UNKL: variants seen among roughly 807,000 people sequenced by gnomAD.
UNKL encodes the protein unk like zinc finger, also known as putative E3 ubiquitin-protein ligase UNKL.
A neutral mutation model predicts 78.0 loss-of-function variants in UNKL; 60 were observed. The observed-to-expected ratio is 0.77, with a 90% CI of 0.63 to 0.95. The LOEUF (loss-of-function observed/expected upper bound fraction) is 0.95. Ranked by LOEUF, UNKL falls within the 40% of genes least tolerant of loss-of-function variation. The pLI, the probability that UNKL is intolerant of heterozygous loss-of-function variation, is 0.00. For synonymous variants in UNKL, 608 were observed against 474.8 expected, an observed-to-expected ratio of 1.28 and a Z score of -3.65; for missense variants, 1,159 against 1,045.7, an observed-to-expected ratio of 1.11 and a Z score of -1.49.
rs74972671 is a variant in UNKL, at chr16:1,368,875, A to G, written c.1586-1017T>C. ...AAGATTGCTGGAGCCTGGACGACAGAGTGAAACTTTGTTTTAAAAAAATAA... is the reference window on the plus strand; with the variant it reads ...AAGATTGCTGGAGCCTGGACGACAGGGTGAAACTTTGTTTTAAAAAAATAA... On this transcript the variant is annotated intron_variant, in intron 12 of 14. Transcript: ENST00000389221. 3.9e-5 allele frequency among the ~76,000 whole-genome samples: 6 copies of G among 152,102 alleles called. No individual in the cohort carries two copies. The East Asian group carries it at 1.2e-3, about 29-fold the overall frequency.
In UNKL at chr16:1,363,644, G is replaced by A. The variant is rs569260717; in HGVS notation, c.*2596C>T. The A allele has an allele frequency of 8.9e-5, 17 of 189,968 alleles. No individual in the cohort carries two copies. Among genetic ancestry groups the A allele is most frequent in the African/African-American group, 3.3e-4 (14 of 42,016 alleles). The allele number at this position is 189,968 out of a possible 1,614,324, so 11.8% of individuals were successfully genotyped here. ...GCGCGCCTCCACCTCAGCCTCCACGGGGCACCTTCCAGCCACTGCTGTGCC... is the reference window on the plus strand; with the variant it reads ...GCGCGCCTCCACCTCAGCCTCCACGAGGCACCTTCCAGCCACTGCTGTGCC... On this transcript the variant is annotated 3_prime_UTR_variant, in exon 15 of 15. Coordinates refer to ENST00000389221, the MANE Select transcript of UNKL (RefSeq NM_001372107.1).
intron 13 of UNKL, among the ~76,000 whole-genome samples, 143 bp downstream of exon 13, chr16:1,367,503 TCCCTCCCTCC>T (rs1296355455): frequency 1.3e-4 from 1 of 7,464 alleles, no homozygotes; most frequent in African/African-American, 5.0e-4. Flanking sequence ...CCTCCCTCCC[TCCCTCCCTCC>T]CCCTCCCGTC....
rs7192116 is a variant in UNKL, at chr16:1,376,993, C to G, written c.1265-5382G>C. 1.2e-3 allele frequency among the ~76,000 whole-genome samples: 184 copies of G among 151,888 alleles called. 1 individual carries two copies. The highest frequency in any genetic ancestry group is 3.7e-3 in the African/African-American group (153 of 41,382). On this transcript the variant is annotated intron_variant, in intron 10 of 14. Transcript: ENST00000389221. ...CAACGCCACGTACCTAGGTGCGACG[C>G]CTGGGGTTCAGGTGCATCTTCCCCC...
chr16:1,394,045 A>T lies in UNKL; in HGVS notation c.937+86T>A, dbSNP rs1322953172. On this transcript the variant is annotated intron_variant, in intron 7 of 14. Coordinates refer to ENST00000389221, the MANE Select transcript of UNKL (RefSeq NM_001372107.1). ...GCCCGCCTTCCAGGTCCTCGTGGGC[A>T]GCTCCGGGTCATCGGTAACTCCAGT... The T allele has an allele frequency of 2.2e-6, 3 of 1,391,786 alleles. No homozygotes were observed. The African/African-American group carries it at 4.3e-5, about 20-fold the overall frequency. The allele number at this position is 1,391,786 out of a possible 1,614,324, so 86.2% of individuals were successfully genotyped here. A position where few individuals can be genotyped will look rare whatever the true frequency, so the allele number is the denominator to read the frequency against.
chr16:1,400,187 G>A (rs1190985076), intron 4 of UNKL, among the ~76,000 whole-genome samples: 4 of 152,032 alleles, frequency 2.6e-5, no homozygotes, highest in African/African-American at 7.2e-5. Flanking sequence ...TTGGGAGGCC[G>A]AGGTGGGTGG....
At chr16:1,384,566 C>T (rs2142087004) in intron 10 of UNKL, among the ~76,000 whole-genome samples, 1 of 152,224 alleles carries the variant, frequency 6.6e-6, no homozygotes, top group East Asian at 1.9e-4. Flanking sequence ...ATCACTGTCC[C>T]CCACCCTCAG....
chr16:1,390,509 G>A, intron 9 of UNKL, 123 bp downstream of exon 9: 1 of 1,020,896 alleles, frequency 9.8e-7, no homozygotes, highest in Non-Finnish European at 1.4e-6. Flanking sequence ...AGCCGAGAGT[G>A]GGCGGGACCA....
intron 4 of UNKL, among the ~76,000 whole-genome samples, chr16:1,400,414 T>C (rs2037466967): frequency 1.5e-5 from 1 of 66,470 alleles, no homozygotes; most frequent in South Asian, 7.3e-4. Flanking sequence ...CGAGACTCCA[T>C]CTCAAAAAAA....
At chr16:1,376,339 C>A (rs867711684) in intron 10 of UNKL, among the ~76,000 whole-genome samples, 1 of 145,908 alleles carries the variant, frequency 6.9e-6, no homozygotes, top group Non-Finnish European at 1.5e-5. Context: ...CTTCCCTCCT[C>A]CCTCACTCTA....
chr16:1,414,104 G>A lies in UNKL; in HGVS notation c.78-49C>T, dbSNP rs957680155. 4.7e-6 allele frequency: 7 copies of A among 1,495,604 alleles called. No homozygotes were observed. The African/African-American group carries it at 5.6e-5, about 12-fold the overall frequency. 92.6% of individuals were successfully genotyped at this position (1,495,604 alleles called of 1,614,324 possible). On this transcript the variant is annotated intron_variant, in intron 1 of 14. Transcript: ENST00000389221. Reference sequence around the variant, plus strand: ...GCTCGCTTCCGGCAGCACCTCCAGGGACTCGGACTCGTGGGCGGCGGGACC... The same window carrying A: ...GCTCGCTTCCGGCAGCACCTCCAGGAACTCGGACTCGTGGGCGGCGGGACC...
In UNKL at chr16:1,387,342, T is replaced by C. The variant is rs1388916702; in HGVS notation, c.1087-1957A>G. ...TCCAGCAAGCAGCCCAGAAACACTA[T>C]GGGTGATTCGAGACCTGGTGCCATC... On this transcript the variant is annotated intron_variant, in intron 9 of 14. Transcript: ENST00000389221. The surrounding 1 kb of genome is among the most constrained non-coding windows in gnomAD (Gnocchi z 4.1). Among the ~76,000 whole-genome samples, 2 of 152,194 alleles carry C rather than the reference T, an allele frequency of 1.3e-5. No homozygotes were observed. Among genetic ancestry groups the C allele is most frequent in the Non-Finnish European group, 2.9e-5 (2 of 68,022 alleles).
Position 1,399,938 on chromosome 16 carries a change from C to T in UNKL, c.599-429G>A, listed in dbSNP as rs531594197. On this transcript the variant is annotated intron_variant, in intron 4 of 14. Transcript: ENST00000389221. This position sits in a 1 kb window ranked among gnomAD's most constrained non-coding sequence, Gnocchi z 5.8. ...GAAATGCCGCATGGTGAGCCTCATG[C>T]GCACCACAGCCTCTGGGTGACAAGC... 3.3e-5 allele frequency among the ~76,000 whole-genome samples: 3 copies of T among 91,342 alleles called. No homozygotes were observed. Among genetic ancestry groups the T allele is most frequent in the Admixed American group, 1.4e-4 (1 of 7,258 alleles). 59.9% of individuals were successfully genotyped at this position (91,342 alleles called of 152,430 possible). A position where few individuals can be genotyped will look rare whatever the true frequency, so the allele number is the denominator to read the frequency against.
intron 2 of UNKL, among the ~76,000 whole-genome samples, chr16:1,407,830 T>C (rs754659758): frequency 1.3e-5 from 2 of 152,138 alleles, no homozygotes; most frequent in African/African-American, 2.4e-5. Flanking sequence ...AGCGCTCTTC[T>C]GGACAGGGGT....
chr16:1,410,597 C>G (rs1483508185), intron 2 of UNKL, among the ~76,000 whole-genome samples: 1 of 152,134 alleles, frequency 6.6e-6, no homozygotes, highest in East Asian at 1.9e-4. Flanking sequence ...ACATAGAGTG[C>G]TGCCAATCAG....
chr16:1,372,033 G>A lies in UNKL; in HGVS notation c.1265-422C>T, dbSNP rs1182396794. On this transcript the variant is annotated intron_variant, in intron 10 of 14. Transcript: ENST00000389221. Reference sequence around the variant, plus strand: ...GCACTTTGGGAGGCCGAGGTGGGCAGATCACAAGGTCAGGAGATCGAGACC... The same window carrying A: ...GCACTTTGGGAGGCCGAGGTGGGCAAATCACAAGGTCAGGAGATCGAGACC... Among the ~76,000 whole-genome samples, 5 of 151,972 alleles carry A rather than the reference G, an allele frequency of 3.3e-5. No homozygotes were observed. The East Asian group carries it at 7.7e-4, about 23-fold the overall frequency.
intron 2 of UNKL, chr16:1,412,176 T>A (rs931337073): frequency 6.6e-6 from 1 of 152,242 alleles, no homozygotes; most frequent in South Asian, 2.1e-4. Context: ...AGTCTGTGAA[T>A]ATATAATCTG....
chr16:1,370,231 C>G lies in UNKL; in HGVS notation c.1484G>C (p.Gly495Ala). 6.5e-7 allele frequency: 1 copy of G among 1,531,746 alleles called. No individual in the cohort carries two copies. Among genetic ancestry groups the G allele is most frequent in the Non-Finnish European group, 8.8e-7 (1 of 1,139,274 alleles). 94.9% of individuals were successfully genotyped at this position (1,531,746 alleles called of 1,614,324 possible). ...PLGSLSQPLP[G>A]PVGSSAMTPP... ...CGTCATGGCTGAGGAGCCCACCGGCCCTGGGAGGGGCTGGGACAGCGAACC... is the reference window on the plus strand; with the variant it reads ...CGTCATGGCTGAGGAGCCCACCGGCGCTGGGAGGGGCTGGGACAGCGAACC... Residue 495 changes from glycine to alanine, a missense_variant, in exon 12 of 15, where the codon GGG becomes GCG. Gly to Ala is a moderately conservative substitution (Grantham distance 60, BLOSUM62 0). Coordinates refer to ENST00000389221, the MANE Select transcript of UNKL (RefSeq NM_001372107.1).
In UNKL at chr16:1,385,281, G is replaced by C. The variant is rs374080994; in HGVS notation, c.1191C>G (p.Pro397=). Residue 397 remains proline (P), a synonymous_variant, in exon 10 of 15, where the codon CCC becomes CCG. Transcript: ENST00000389221. ...ASSAGSGSSS[P]TALPAPPARA... ...GGGCGGGGGGCGCGGGCAGCGCAGT[G>C]GGGGAGGAGCTGCCGGAGCCGGCGC... The C allele has an allele frequency of 8.8e-6, 12 of 1,366,208 alleles. No individual in the cohort carries two copies. The highest frequency in any genetic ancestry group is 1.5e-5 in the African/African-American group (1 of 65,370). The allele number at this position is 1,366,208 out of a possible 1,614,324, so 84.6% of individuals were successfully genotyped here.
intron 4 of UNKL, 39 bp downstream of exon 4, chr16:1,401,529 C>G (rs762971914): frequency 8.8e-6 from 13 of 1,471,566 alleles, no homozygotes; most frequent in Middle Eastern, 2.0e-4. Flanking sequence ...CTGTGCCCGC[C>G]CCCCCCACCA....
Sources: gnomAD v4.1 joint callset for allele counts (sites outside exome capture counted in the v4.1 genomes callset) on GRCh38, gnomAD v4.1.1 for gene constraint, Gnocchi (gnomAD v3.1) non-coding constraint, MANE v1.5 for transcripts, NCBI Gene and HGNC (gene_info 2026-07-23, HGNC 2026-07-21) for gene names.